Variants in ADAMTSL1 observed in about 807,000 individuals in gnomAD.
ADAMTSL1 encodes the protein ADAMTS-like protein 1.
A neutral mutation model predicts 201.8 loss-of-function variants in ADAMTSL1; 126 were observed. The observed-to-expected ratio is 0.62, with a 90% CI of 0.54 to 0.72. ADAMTSL1 has a LOEUF of 0.72. Among genes scored for constraint, ADAMTSL1 ranks in the 30% least tolerant of loss-of-function variants. The pLI, the probability that ADAMTSL1 is intolerant of heterozygous loss-of-function variation, is 0.00. For missense variants in ADAMTSL1, 2,679 were observed against 2,277.8 expected (o/e 1.18, Z -3.59); for synonymous variants, 1,121 against 903.4 (o/e 1.24, Z -4.32).
intron 2 of ADAMTSL1, among the ~76,000 whole-genome samples, chr9:18,436,549 T>C (rs913995169): frequency 6.6e-6 from 1 of 152,222 alleles, no homozygotes; most frequent in Non-Finnish European, 1.5e-5. Context: ...GTATTCTGCA[T>C]GGCCTCTCTG....
At chr9:18,106,425 C>T (rs1038187961) in intron 1 of ADAMTSL1, among the ~76,000 whole-genome samples, 1 of 152,178 alleles carries the variant, frequency 6.6e-6, no homozygotes, top group African/African-American at 2.4e-5. Flanking sequence ...CAGCATTTCT[C>T]AATGGAACCC....
At chr9:18,734,850 G>T (rs936640321) in intron 15 of ADAMTSL1, among the ~76,000 whole-genome samples, 9 of 152,140 alleles carry the variant, frequency 5.9e-5, no homozygotes, top group African/African-American at 1.9e-4. Context: ...GGGCAGTTTT[G>T]TGCTGTGCCT....
At chr9:18,902,830 T>C (rs551189029) in intron 26 of ADAMTSL1, among the ~76,000 whole-genome samples, 3 of 152,098 alleles carry the variant, frequency 2.0e-5, no homozygotes, top group Admixed American at 6.6e-5. Context: ...TTTAGCTACA[T>C]TGGCAAAGAA....
At chr9:18,277,981 A>C (rs1053973163) in intron 2 of ADAMTSL1, among the ~76,000 whole-genome samples, 2 of 152,126 alleles carry the variant, frequency 1.3e-5, no homozygotes, top group Non-Finnish European at 2.9e-5. Flanking sequence ...TGAAGCTTAC[A>C]TAAAATATCT....
At chr9:17,930,982 T>G (rs1826759725) in intron 1 of ADAMTSL1, among the ~76,000 whole-genome samples, 1 of 152,216 alleles carries the variant, frequency 6.6e-6, no homozygotes. Flanking sequence ...TTTCAACCAA[T>G]GTGCTATTTT....
chr9:18,454,759 T>C (rs1196633328), intron 2 of ADAMTSL1, among the ~76,000 whole-genome samples: 1 of 152,220 alleles, frequency 6.6e-6, no homozygotes, highest in Non-Finnish European at 1.5e-5. Flanking sequence ...AATTTAAATT[T>C]TTATTGTGTT....
At chr9:17,980,527 T>A (rs1818645537) in intron 1 of ADAMTSL1, among the ~76,000 whole-genome samples, 1 of 152,152 alleles carries the variant, frequency 6.6e-6, no homozygotes, top group Non-Finnish European at 1.5e-5. Context: ...TTCTGTGTCA[T>A]CTGTATGAAC....
chr9:18,155,388 G>A (rs1016342969), intron 1 of ADAMTSL1, among the ~76,000 whole-genome samples: 1 of 152,032 alleles, frequency 6.6e-6, no homozygotes, highest in African/African-American at 2.4e-5. Context: ...GGGTGATGAT[G>A]ATGGAGATAA....
intron 15 of ADAMTSL1, among the ~76,000 whole-genome samples, chr9:18,749,266 G>A (rs953108437): frequency 2.0e-5 from 3 of 152,150 alleles, no homozygotes; most frequent in Non-Finnish European, 4.4e-5. Context: ...CTTTCATCAA[G>A]CTAGCAGTCG....
chr9:18,085,596 G>T (rs574850925), intron 1 of ADAMTSL1, among the ~76,000 whole-genome samples: 43 of 140,952 alleles, frequency 3.1e-4, no homozygotes, highest in African/African-American at 1.1e-3. Context: ...GTGTGTATAC[G>T]TATATACACT....
chr9:18,710,447 T>A (rs916622359), intron 14 of ADAMTSL1, among the ~76,000 whole-genome samples: 5 of 152,300 alleles, frequency 3.3e-5, no homozygotes, highest in African/African-American at 4.8e-5. Context: ...GAGCCTTGTT[T>A]TAGAATACTT....
chr9:18,409,407 A>C (rs1433794806), intron 2 of ADAMTSL1, among the ~76,000 whole-genome samples: 1 of 151,126 alleles, frequency 6.6e-6, no homozygotes, highest in Non-Finnish European at 1.5e-5. Context: ...AAAAAAAAGA[A>C]AAAGAAAAGA....
chr9:18,881,382 A>G (rs922291654), intron 23 of ADAMTSL1, among the ~76,000 whole-genome samples: 1 of 152,232 alleles, frequency 6.6e-6, no homozygotes, highest in Non-Finnish European at 1.5e-5. Flanking sequence ...ATGCCACTGT[A>G]GGATTATTAA....
rs1554701987 is a variant in ADAMTSL1 at position 18,547,630 on chromosome 9, A to AT, written c.237+14339dup. Among the ~76,000 whole-genome samples, 18 of 114,590 alleles carry AT rather than the reference A, an allele frequency of 1.6e-4. No individual in the cohort carries two copies. The East Asian group carries it at 2.7e-3, about 17-fold the overall frequency. 75.2% of individuals were successfully genotyped at this position (114,590 alleles called of 152,430 possible). On this transcript the variant is annotated intron_variant, in intron 3 of 28. Transcript: ENST00000380548. ...TGTTGTGAAGAGCGGCTGTATATATATATAAAAAAAAAAAAAAAAAAAAAG... is the reference window on the plus strand; with the variant it reads ...TGTTGTGAAGAGCGGCTGTATATATATTATAAAAAAAAAAAAAAAAAAAAAG...
At chr9:17,956,325 T>C (rs1042885383) in intron 1 of ADAMTSL1, among the ~76,000 whole-genome samples, 2 of 152,168 alleles carry the variant, frequency 1.3e-5, no homozygotes, top group East Asian at 3.9e-4. Flanking sequence ...TCTTTTCTGT[T>C]TTGTTGTACT....
intron 3 of ADAMTSL1, among the ~76,000 whole-genome samples, chr9:18,572,763 G>T (rs560753850): frequency 6.6e-6 from 1 of 152,264 alleles, no homozygotes; most frequent in South Asian, 2.1e-4. Flanking sequence ...AAGGTAAAGA[G>T]ATTTTTCAGA....
intron 2 of ADAMTSL1, among the ~76,000 whole-genome samples, chr9:18,347,967 T>C (rs146271920): frequency 6.6e-6 from 1 of 152,082 alleles, no homozygotes; most frequent in Non-Finnish European, 1.5e-5. Context: ...AACTACAAAG[T>C]TGAATTTGGT....
intron 14 of ADAMTSL1, among the ~76,000 whole-genome samples, chr9:18,721,039 A>G (rs551149891): frequency 2.6e-5 from 4 of 152,362 alleles, no homozygotes; most frequent in East Asian, 3.9e-4. Flanking sequence ...CAAACAGCAA[A>G]GACTGGAGTC....
At chr9:18,460,218 C>T (rs1454439906) in intron 2 of ADAMTSL1, among the ~76,000 whole-genome samples, 2 of 152,320 alleles carry the variant, frequency 1.3e-5, no homozygotes, top group South Asian at 2.1e-4. Context: ...TATCATATTA[C>T]ATTACCAAAG....
Sources: gnomAD v4.1 joint callset for allele counts (sites outside exome capture counted in the v4.1 genomes callset) on GRCh38, gnomAD v4.1.1 for gene constraint, MANE v1.5 for transcripts, NCBI Gene and HGNC (gene_info 2026-07-23, HGNC 2026-07-21) for gene names.